Variants in NME7 observed in about 807,000 individuals in gnomAD.
The protein encoded by NME7 is NME/NM23 family member 7, also known as nucleoside diphosphate kinase 7.
Under a neutral mutation model 49.1 loss-of-function variants are expected in NME7, and 41 were observed. The observed-to-expected ratio is 0.83, with a 90% CI of 0.65 to 1.08. The LOEUF (loss-of-function observed/expected upper bound fraction) is 1.08. NME7 is among the 50% of genes least tolerant of loss of function. The pLI is 0.00. For missense variants in NME7, 423 were observed against 463.4 expected (o/e 0.91, Z 0.80); for synonymous variants, 139 against 150.6 (o/e 0.92, Z 0.56).
At chr1:169,277,002 G>A (rs1649762183) in intron 7 of NME7, among the ~76,000 whole-genome samples, 1 of 150,488 alleles carries the variant, frequency 6.6e-6, no homozygotes, top group Non-Finnish European at 1.5e-5. Context: ...GTGGTTTTGA[G>A]TGAGTTTCTT....
At chr1:169,321,097 C>T (rs1651836952) in intron 3 of NME7, among the ~76,000 whole-genome samples, 1 of 152,128 alleles carries the variant, frequency 6.6e-6, no homozygotes, top group African/African-American at 2.4e-5. Context: ...TTAGGTCAGA[C>T]TGTTAACCCT....
chr1:169,249,988 T>C (rs1300227448), intron 7 of NME7, among the ~76,000 whole-genome samples: 1 of 152,238 alleles, frequency 6.6e-6, no homozygotes, highest in East Asian at 1.9e-4. Context: ...ACTGGCTTCA[T>C]AGAATGAGTT....
intron 7 of NME7, among the ~76,000 whole-genome samples, chr1:169,248,906 C>T (rs1253898315): frequency 6.6e-6 from 1 of 151,030 alleles, no homozygotes; most frequent in African/African-American, 2.4e-5. Flanking sequence ...TAATGTGATG[C>T]CTCTACGTCT....
At chr1:169,151,077 G>C (rs35501501) in intron 11 of NME7, among the ~76,000 whole-genome samples, 3 of 152,202 alleles carry the variant, frequency 2.0e-5, no homozygotes, top group Non-Finnish European at 4.4e-5. Context: ...TGGGCCCTTA[G>C]ACTAACATTG....
intron 4 of NME7, among the ~76,000 whole-genome samples, chr1:169,308,477 C>G (rs1651265075): frequency 6.6e-6 from 1 of 152,158 alleles, no homozygotes; most frequent in Non-Finnish European, 1.5e-5. Flanking sequence ...ATTCCTGTCC[C>G]TAGAGACACT....
chr1:169,350,016 C>G (rs1262004143), intron 1 of NME7, among the ~76,000 whole-genome samples: 1 of 151,906 alleles, frequency 6.6e-6, no homozygotes, highest in South Asian at 2.1e-4. Flanking sequence ...CATAGTGACA[C>G]CCTGCCTCTA....
At chr1:169,224,957 G>C (rs1416661140) in intron 10 of NME7, among the ~76,000 whole-genome samples, 1 of 152,132 alleles carries the variant, frequency 6.6e-6, no homozygotes, top group Admixed American at 6.6e-5. Flanking sequence ...AGGGTGGTGG[G>C]ACCAATATTT....
intron 6 of NME7, among the ~76,000 whole-genome samples, chr1:169,290,851 G>C (rs749121909): frequency 6.6e-6 from 1 of 152,046 alleles, no homozygotes; most frequent in African/African-American, 2.4e-5. Flanking sequence ...CAAAAAGTGG[G>C]CAAAGTATAT....
chr1:169,265,563 C>CT (rs1649292935), intron 7 of NME7, among the ~76,000 whole-genome samples: 2 of 132,568 alleles, frequency 1.5e-5, no homozygotes, highest in East Asian at 4.0e-4. Flanking sequence ...AACATCACAA[C>CT]TAGTAGAACT....
intron 7 of NME7, among the ~76,000 whole-genome samples, chr1:169,239,595 T>C (rs982210744): frequency 6.6e-6 from 1 of 151,892 alleles, no homozygotes; most frequent in African/African-American, 2.4e-5. Flanking sequence ...ATGCAGCATA[T>C]CCAATGGCTG....
intron 1 of NME7, among the ~76,000 whole-genome samples, chr1:169,360,650 G>A (rs1653620298): frequency 6.6e-6 from 1 of 152,074 alleles, no homozygotes; most frequent in Admixed American, 6.6e-5. Context: ...TGCCTGGAAT[G>A]CTCTTCTCCT....
intron 3 of NME7, among the ~76,000 whole-genome samples, chr1:169,320,608 T>C (rs964307312): frequency 1.3e-5 from 2 of 152,204 alleles, no homozygotes; most frequent in Non-Finnish European, 1.5e-5. Flanking sequence ...TTTTGCCATT[T>C]AAATAAAACA....
At chr1:169,217,722 A>G (rs1002216469) in intron 10 of NME7, among the ~76,000 whole-genome samples, 3 of 152,116 alleles carry the variant, frequency 2.0e-5, no homozygotes, top group African/African-American at 7.2e-5. Flanking sequence ...TATTTACCCC[A>G]TTGCCTTCTC....
chr1:169,300,921 TA>T (rs1341533827), intron 5 of NME7, among the ~76,000 whole-genome samples: 1 of 152,130 alleles, frequency 6.6e-6, no homozygotes, highest in Non-Finnish European at 1.5e-5. Context: ...ATTAACCATA[TA>T]CAAAACTTTA....
intron 7 of NME7, among the ~76,000 whole-genome samples, chr1:169,278,012 GC>G (rs1379147553): frequency 6.6e-6 from 1 of 151,256 alleles, no homozygotes; most frequent in Non-Finnish European, 1.5e-5. Context: ...GTGAATATTG[GC>G]CCCCACTCTC....
At chr1:169,199,200 C>A (rs967448284) in intron 10 of NME7, among the ~76,000 whole-genome samples, 35 of 151,970 alleles carry the variant, frequency 2.3e-4, no homozygotes, top group Non-Finnish European at 3.7e-4. Context: ...ATTATAATAA[C>A]CTCTATTACA....
chr1:169,169,094 G>A, intron 11 of NME7: 1 of 470,646 alleles, frequency 2.1e-6, no homozygotes, highest in Non-Finnish European at 4.1e-6. Context: ...TAAATTCTTT[G>A]AAAGCTATGC....
In NME7 at chr1:169,276,403, C is replaced by G. The variant is rs569434122; in HGVS notation, c.754+10900G>C. Among the ~76,000 whole-genome samples the G allele has an allele frequency of 1.7e-3, 224 of 132,478 alleles. 42 individuals are homozygous for G. The highest frequency in any genetic ancestry group is 3.0e-3 in the African/African-American group (117 of 39,316). The allele number at this position is 132,478 out of a possible 152,430, so 86.9% of individuals were successfully genotyped here. A position where few individuals can be genotyped will look rare whatever the true frequency, so the allele number is the denominator to read the frequency against. ...GTATTCAGAGATTCGACTTCTTCCTCGTTTAGTCTTGGGAGAGTGTATGTG... is the reference window on the plus strand; with the variant it reads ...GTATTCAGAGATTCGACTTCTTCCTGGTTTAGTCTTGGGAGAGTGTATGTG... On this transcript the variant is annotated intron_variant, in intron 7 of 11. Coordinates refer to ENST00000367811, the MANE Select transcript of NME7 (RefSeq NM_013330.5).
chr1:169,351,657 T>C (rs953161608), intron 1 of NME7, among the ~76,000 whole-genome samples: 2 of 150,370 alleles, frequency 1.3e-5, no homozygotes, highest in South Asian at 2.1e-4. Flanking sequence ...CTTGAAAAGA[T>C]AAACACAATT....
Sources: allele counts gnomAD v4.1 joint callset (sites outside exome capture counted in the v4.1 genomes callset), GRCh38; gene constraint gnomAD v4.1.1; transcripts MANE v1.5; gene names NCBI Gene and HGNC (gene_info 2026-07-23, HGNC 2026-07-21).